SNRPN: variants seen among roughly 807,000 people sequenced by gnomAD.
SNRPN encodes the protein small nuclear ribonucleoprotein polypeptide N.
A neutral mutation model predicts 25.2 loss-of-function variants in SNRPN; 7 were observed. That is an observed-to-expected ratio of 0.28 (90% confidence interval 0.16 to 0.52). The LOEUF (loss-of-function observed/expected upper bound fraction) is 0.52. SNRPN is among the 20% of genes least tolerant of loss of function. SNRPN has a pLI of 0.96. For synonymous variants in SNRPN, 124 were observed against 110.6 expected, an observed-to-expected ratio of 1.12 and a Z score of -0.76; for missense variants, 196 against 322.5, an observed-to-expected ratio of 0.61 and a Z score of 3.00.
At chr15:24,935,329 T>G (rs1425327668) in intron 3 of SNRPN, among the ~76,000 whole-genome samples, 2 of 151,998 alleles carry the variant, frequency 1.3e-5, no homozygotes, top group Non-Finnish European at 2.9e-5. Context: ...AACATAAATA[T>G]AAGTACTGAT....
chr15:24,960,989 G>A (rs903536334), intron 1 of SNRPN, among the ~76,000 whole-genome samples: 1 of 151,670 alleles, frequency 6.6e-6, no homozygotes, highest in Non-Finnish European at 1.5e-5. Context: ...GTTTGTTTTG[G>A]ATACTAGAAA....
chr15:24,966,964 C>T (rs1241007391), intron 2 of SNRPN: 1 of 152,076 alleles, frequency 6.6e-6, no homozygotes, highest in Non-Finnish European at 1.5e-5. Flanking sequence ...TCCCTGCTTA[C>T]CAGTAGATGA....
In SNRPN at chr15:24,918,420, G is replaced by A. The variant is rs185367624; in HGVS notation, c.-504-1591G>A. Among the ~76,000 whole-genome samples the A allele has an allele frequency of 4.5e-3, 165 of 36,750 alleles. 3 individuals are homozygous for A. The highest frequency in any genetic ancestry group is 0.018 in the South Asian group (13 of 728). The allele number at this position is 36,750 out of a possible 152,430, so 24.1% of individuals were successfully genotyped here. ...TATATATATAACATAATATATATGT[G>A]TATATATAACATAATATATATGTGT... On this transcript the variant is annotated intron_variant, in intron 2 of 11. Transcript: ENST00000400097.
At chr15:24,973,695 C>T (rs916462016) in intron 3 of SNRPN, among the ~76,000 whole-genome samples, 29 of 152,152 alleles carry the variant, frequency 1.9e-4, no homozygotes, top group African/African-American at 6.8e-4. Flanking sequence ...CCACCTCACC[C>T]GGCCGTTAAC....
At position 24,872,661 on chromosome 15, in the gene SNRPN, G is replaced by A. The variant is rs149079153; in HGVS notation, c.-578-13855G>A. 3.9e-3 allele frequency among the ~76,000 whole-genome samples: 426 copies of A among 109,434 alleles called. 84 individuals are homozygous for A. The highest frequency in any genetic ancestry group is 0.013 in the African/African-American group (413 of 31,656). 71.8% of individuals were successfully genotyped at this position (109,434 alleles called of 152,430 possible). A position where few individuals can be genotyped will look rare whatever the true frequency, so the allele number is the denominator to read the frequency against. On this transcript the variant is annotated intron_variant, in intron 1 of 11. Coordinates refer to the SNRPN transcript ENST00000400097. ...CTTGGCAGGCTGAGACAGCAGAATC[G>A]CTTGAACCTGGGAAGCAGAGGTTGT...
At chr15:24,827,140 T>C (rs1018085312) in intron 1 of SNRPN, among the ~76,000 whole-genome samples, 2 of 152,052 alleles carry the variant, frequency 1.3e-5, no homozygotes, top group African/African-American at 4.8e-5. Context: ...GGACCGGAAG[T>C]TCATCCAGGT....
intron 7 of SNRPN, among the ~76,000 whole-genome samples, chr15:24,977,297 A>G (rs1019972748): frequency 1.3e-5 from 2 of 152,152 alleles, no homozygotes; most frequent in African/African-American, 4.8e-5. Flanking sequence ...CCACAGTTGA[A>G]AAGACCAAAG....
At chr15:24,863,615 A>G (rs2054223370) in intron 1 of SNRPN, among the ~76,000 whole-genome samples, 2 of 150,858 alleles carry the variant, frequency 1.3e-5, no homozygotes, top group Admixed American at 6.6e-5. Context: ...AAAATTCCTT[A>G]TTGGTGGATT....
chr15:24,899,739 T>C (rs1293483570), intron 2 of SNRPN, among the ~76,000 whole-genome samples: 1 of 152,204 alleles, frequency 6.6e-6, no homozygotes, highest in Non-Finnish European at 1.5e-5. Context: ...TTCTGGAAAG[T>C]TCCACTGGTG....
intron 1 of SNRPN, among the ~76,000 whole-genome samples, chr15:24,961,724 T>C (rs895157648): frequency 1.4e-4 from 21 of 152,198 alleles, no homozygotes; most frequent in African/African-American, 4.8e-4. Flanking sequence ...CCTAAAAATA[T>C]TTTTTGAAAC....
chr15:24,957,246 C>T lies in SNRPN; in HGVS notation c.-391+2184C>T, dbSNP rs1012627915. On this transcript the variant is annotated intron_variant, in intron 1 of 9. Coordinates refer to ENST00000390687, the MANE Select transcript of SNRPN (RefSeq NM_003097.6). ...GGGAGAGGACATCGTGATGGCTCTT[C>T]CCGACTAAGGTTGAAAGGTGTTTCA... 2.0e-5 allele frequency among the ~76,000 whole-genome samples: 3 copies of T among 152,152 alleles called. No homozygotes were observed. In the East Asian group the frequency reaches 5.8e-4, roughly 29 times the overall value.
At chr15:24,973,654 C>G (rs570833083) in intron 3 of SNRPN, among the ~76,000 whole-genome samples, 2 of 152,164 alleles carry the variant, frequency 1.3e-5, no homozygotes, top group Non-Finnish European at 2.9e-5. Flanking sequence ...CCTGCCTTGG[C>G]CTCCCCTGGT....
In SNRPN at chr15:24,938,383, C is replaced by T. The variant is rs185962790; in HGVS notation, c.-391+18259C>T. On this transcript the variant is annotated intron_variant, in intron 3 of 11. Transcript: ENST00000400097. ...ACTCAAGTGATCCACCCACCTTGGC[C>T]TCCCAAAGTGCTGGTATTACAGGTG... Among the ~76,000 whole-genome samples the T allele has an allele frequency of 1.8e-3, 280 of 152,274 alleles. 4 individuals carry two copies. Among genetic ancestry groups the T allele is most frequent in the African/African-American group, 6.6e-3 (274 of 41,560 alleles).
In SNRPN at chr15:24,835,068, AG is replaced by A. The variant is rs2050993296; in HGVS notation, c.-579+5164del. Among the ~76,000 whole-genome samples, 2 of 80,428 alleles carry A rather than the reference AG, an allele frequency of 2.5e-5. 1 individual carries two copies. Among genetic ancestry groups the A allele is most frequent in the Non-Finnish European group, 5.3e-5 (2 of 37,744 alleles). The allele number at this position is 80,428 out of a possible 152,430, so 52.8% of individuals were successfully genotyped here. ...TCTATATATAAAAATATAGATATAT[AG>A]TATATATATCTATATATAAAATATA... On this transcript the variant is annotated intron_variant, in intron 2 of 12. Coordinates refer to the SNRPN transcript ENST00000400100.
Position 24,977,029 on chromosome 15 carries a change from G to A in SNRPN, c.420G>A (p.Gln140=). The part of the protein sequence containing the change: ...PVRGVGGPSQ[Q]VMTPQGRGTV... ...GAGGAGTTGGGGGACCATCCCAGCA[G>A]GTGAGGAACCAGCAGAGGGTTTTAT... The change falls in exon 7 of 10, where the codon CAG becomes CAA. Residue 140 remains glutamine, a splice_region_variant and synonymous_variant. Coordinates refer to ENST00000390687, the MANE Select transcript of SNRPN (RefSeq NM_003097.6). 2 of 1,561,816 alleles carry A rather than the reference G, an allele frequency of 1.3e-6. No individual in the cohort carries two copies. The highest frequency in any genetic ancestry group is 1.7e-6 in the Non-Finnish European group (2 of 1,158,122).
chr15:24,890,054 A>G (rs2057546084), intron 2 of SNRPN, among the ~76,000 whole-genome samples: 2 of 151,544 alleles, frequency 1.3e-5, no homozygotes, highest in Non-Finnish European at 1.5e-5. Context: ...TTTCAAAAAA[A>G]AAAAAAAAAA....
At chr15:24,915,189 G>A (rs1239770452) in intron 2 of SNRPN, among the ~76,000 whole-genome samples, 12 of 151,856 alleles carry the variant, frequency 7.9e-5, no homozygotes, top group Admixed American at 1.3e-4. Flanking sequence ...GTGTAGTGGC[G>A]TGATCTCGGC....
chr15:24,905,428 G>A (rs1034128748), intron 2 of SNRPN, among the ~76,000 whole-genome samples: 1 of 150,138 alleles, frequency 6.7e-6, no homozygotes, highest in African/African-American at 2.5e-5. Flanking sequence ...AGAGTCGCTT[G>A]AACCCGGGAG....
chr15:24,973,074 GAT>G (rs1299118816), intron 3 of SNRPN, among the ~76,000 whole-genome samples: 1 of 152,040 alleles, frequency 6.6e-6, no homozygotes, highest in Non-Finnish European at 1.5e-5. Context: ...TTTTAGTAGA[GAT>G]AGGGTTTTCG....
Sources: allele counts gnomAD v4.1 joint callset (sites outside exome capture counted in the v4.1 genomes callset), GRCh38; gene constraint gnomAD v4.1.1; transcripts MANE v1.5; gene names NCBI Gene and HGNC (gene_info 2026-07-23, HGNC 2026-07-21).